The following XRN1 variants were observed in gnomAD, a reference collection of about 807,000 sequenced individuals.
The protein encoded by XRN1 is strand-exchange protein 1 homolog.
XRN1 carries 67 observed loss-of-function variants against 222.3 expected under a neutral mutation model. That is an observed-to-expected ratio of 0.30 (90% CI 0.25 to 0.37). The LOEUF (loss-of-function observed/expected upper bound fraction) is 0.37. Ranked by LOEUF, XRN1 falls within the 10% of genes least tolerant of loss-of-function variation. The pLI, the probability that XRN1 is intolerant of heterozygous loss-of-function variation, is 1.00. For synonymous variants in XRN1, 643 were observed against 652.4 expected, an observed-to-expected ratio of 0.99 and a Z score of 0.22; for missense variants, 1,707 against 2,000.2, an observed-to-expected ratio of 0.85 and a Z score of 2.80.
chr3:142,385,226 T>G (rs2067452298), intron 20 of XRN1, among the ~76,000 whole-genome samples: 1 of 152,204 alleles, frequency 6.6e-6, no homozygotes. Flanking sequence ...ATCCAAATGT[T>G]CATAAATGAA....
chr3:142,375,971 C>A, intron 24 of XRN1, 27 bp from the exon 25 acceptor site: 1 of 1,576,206 alleles, frequency 6.3e-7, no homozygotes, highest in Non-Finnish European at 8.6e-7. Context: ...CATGCGCACA[C>A]GTGCACACAC....
rs1464659718 is a variant in XRN1, at chr3:142,356,907, C to A, written c.3672+5G>T. 4 of 1,613,328 alleles carry A rather than the reference C, an allele frequency of 2.5e-6. No homozygotes were observed. The African/African-American group carries it at 5.3e-5, about 22-fold the overall frequency. The stretch of plus-strand genomic sequence containing the variant: ...AGAGGAGAAGTTAAAGACTGAGAGT[C>A]TTACTTGAGTAGGAACAAAAAGTGA... On this transcript the variant is annotated splice_donor_5th_base_variant and intron_variant, in intron 31 of 40. Coordinates refer to ENST00000392981, the MANE Select transcript of XRN1 (RefSeq NM_001282857.2).
rs189308002 is a variant in XRN1, at chr3:142,430,522, T to C, written c.308+2139A>G. Among the ~76,000 whole-genome samples, 4 of 152,342 alleles carry C rather than the reference T, an allele frequency of 2.6e-5. No homozygotes were observed. The East Asian group carries it at 7.7e-4, about 29-fold the overall frequency. The stretch of plus-strand genomic sequence containing the variant: ...TTTAAATATTACTCAGAGATGGCCC[T>C]TGCCTTCAAAGATCTCACAGTCTTT... On this transcript the variant is annotated intron_variant, in intron 2 of 40. Transcript: ENST00000392981.
chr3:142,329,317 C>T, intron 37 of XRN1, 117 bp downstream of exon 37: 2 of 650,208 alleles, frequency 3.1e-6, no homozygotes, highest in Middle Eastern at 4.6e-4. Flanking sequence ...ATCTATGCTG[C>T]TCATAAAGTT....
At chr3:142,372,718 GA>G (rs1248401355) in intron 25 of XRN1, among the ~76,000 whole-genome samples, 2 of 152,212 alleles carry the variant, frequency 1.3e-5, no homozygotes, top group African/African-American at 4.8e-5. Context: ...TTTCAGTCTT[GA>G]AAAGTGGTCT....
At chr3:142,389,920 G>C (rs150972906) in intron 20 of XRN1, among the ~76,000 whole-genome samples, 2 of 152,296 alleles carry the variant, frequency 1.3e-5, no homozygotes, top group East Asian at 3.9e-4. Context: ...AATGGATGTT[G>C]TGTTTGCATG....
intron 36 of XRN1, 36 bp from the exon 37 acceptor site, chr3:142,329,651 T>C: frequency 6.6e-7 from 1 of 1,509,842 alleles, no homozygotes; most frequent in Non-Finnish European, 8.8e-7. Context: ...TCTTTATTAA[T>C]AAAATACTAT....
In XRN1 at chr3:142,400,439, C is replaced by G; in HGVS notation, c.2207+5G>C. On this transcript the variant is annotated splice_donor_5th_base_variant and intron_variant, in intron 19 of 40. Transcript: ENST00000392981. ...TAGAAAAATTATAAATCAAATCTTA[C>G]TTACTTAGTTTCTCCATCTGATACA... The G allele has an allele frequency of 6.3e-7, 1 of 1,586,624 alleles. No homozygotes were observed. The highest frequency in any genetic ancestry group is 8.6e-7 in the Non-Finnish European group (1 of 1,164,670).
chr3:142,404,856 C>G (rs2068285163), intron 16 of XRN1, 51 bp downstream of exon 16: 1 of 1,586,292 alleles, frequency 6.3e-7, no homozygotes, highest in South Asian at 1.1e-5. Flanking sequence ...TTCTCGCACC[C>G]TTGTGTTAGG....
intron 30 of XRN1, among the ~76,000 whole-genome samples, chr3:142,359,170 A>C (rs2066548627): frequency 6.6e-6 from 1 of 152,172 alleles, no homozygotes; most frequent in Admixed American, 6.6e-5. Flanking sequence ...ACTTTCCCCC[A>C]AAACACTTGT....
intron 30 of XRN1, among the ~76,000 whole-genome samples, chr3:142,358,888 CTT>C (rs1214173269): frequency 6.6e-6 from 1 of 152,034 alleles, no homozygotes; most frequent in African/African-American, 2.4e-5. Flanking sequence ...TAATTACTCA[CTT>C]ATCAAAATAG....
At chr3:142,423,711 T>C (rs548123671) in intron 5 of XRN1, 69 bp from the exon 6 acceptor site, 9 of 1,208,006 alleles carry the variant, frequency 7.5e-6, no homozygotes, top group Admixed American at 2.9e-5. Context: ...ACAAAAGCAA[T>C]TAAAAAACAA....
At chr3:142,375,700 G>A (rs2067121692) in intron 25 of XRN1, 98 bp downstream of exon 25, 2 of 1,197,312 alleles carry the variant, frequency 1.7e-6, no homozygotes, top group Non-Finnish European at 1.1e-6. Context: ...TTTTACTAAT[G>A]GAAATATTTG....
chr3:142,313,109 C>G, intron 39 of XRN1: 2 of 1,595,746 alleles, frequency 1.3e-6, no homozygotes, highest in Non-Finnish European at 8.5e-7. Flanking sequence ...AGCTTGGGCA[C>G]AAATAGAGAA....
intron 39 of XRN1, among the ~76,000 whole-genome samples, chr3:142,316,214 CTTTTTTTTTTTTT>C (rs377522108): frequency 8.9e-6 from 1 of 111,842 alleles, no homozygotes; most frequent in Non-Finnish European, 1.9e-5. Context: ...TCATTATCTT[CTTTTTTTTTTTTT>C]TTTTTTTTGA....
intron 33 of XRN1, among the ~76,000 whole-genome samples, chr3:142,339,826 A>G (rs1391088604): frequency 6.6e-6 from 1 of 152,142 alleles, no homozygotes; most frequent in Non-Finnish European, 1.5e-5. Flanking sequence ...AAAAACAAAC[A>G]AACAAAATCC....
Position 142,307,172 on chromosome 3 carries a change from C to T in XRN1, c.*4339G>A, listed in dbSNP as rs941113271. ...CAACCTCCCCATCCCCCACCAAACC[C>T]TTAACTGTAAGGGAAAGAAAGGAAG... On this transcript the variant is annotated 3_prime_UTR_variant, in exon 41 of 41. Transcript: ENST00000392981. 2 of 152,100 alleles carry T rather than the reference C, an allele frequency of 1.3e-5. No homozygotes were observed. Among genetic ancestry groups the T allele is most frequent in the African/African-American group, 4.8e-5 (2 of 41,388 alleles). The allele number at this position is 152,100 out of a possible 1,614,324, so 9.4% of individuals were successfully genotyped here.
At chr3:142,419,005 T>C (rs2068900080) in intron 10 of XRN1, 124 bp from the exon 11 acceptor site, 1 of 849,182 alleles carries the variant, frequency 1.2e-6, no homozygotes, top group East Asian at 2.6e-5. Context: ...CTTCATATCC[T>C]GCCCATCTGT....
At chr3:142,353,538 C>A (rs2066374656) in intron 32 of XRN1, among the ~76,000 whole-genome samples, 1 of 152,160 alleles carries the variant, frequency 6.6e-6, no homozygotes, top group African/African-American at 2.4e-5. Flanking sequence ...GGCATACTTA[C>A]AACCACCTGA....
Sources: allele counts gnomAD v4.1 joint callset (sites outside exome capture counted in the v4.1 genomes callset), GRCh38; gene constraint gnomAD v4.1.1; transcripts MANE v1.5; gene names NCBI Gene and HGNC (gene_info 2026-07-23, HGNC 2026-07-21).